EGFL7: variants seen among roughly 807,000 people sequenced by gnomAD.
The protein encoded by EGFL7 is epidermal growth factor-like protein 7.
Under a neutral mutation model 37.1 loss-of-function variants are expected in EGFL7, and 48 were observed. That is an observed-to-expected ratio of 1.29 (90% CI 1.03 to 1.65). The LOEUF (loss-of-function observed/expected upper bound fraction) is 1.65, where lower values mean the gene tolerates loss of function less well. EGFL7 is among the 40% of genes most tolerant of loss of function. The pLI, the probability that EGFL7 is intolerant of heterozygous loss-of-function variation, is 0.00. For synonymous variants in EGFL7, 180 were observed against 156.8 expected, an observed-to-expected ratio of 1.15 and a Z score of -1.10; for missense variants, 384 against 378.9, an observed-to-expected ratio of 1.01 and a Z score of -0.11.
intron 3 of EGFL7, among the ~76,000 whole-genome samples, chr9:136,667,505 G>A (rs1426723048): frequency 2.0e-5 from 3 of 152,202 alleles, no homozygotes; most frequent in African/African-American, 7.2e-5. Context: ...GGCTCCTGCT[G>A]CACAGCCAGG....
At chr9:136,670,808 G>T in intron 8 of EGFL7, 142 bp from the exon 9 acceptor site, 1 of 832,980 alleles carries the variant, frequency 1.2e-6, no homozygotes, top group Non-Finnish European at 2.0e-6. Flanking sequence ...GAGACCTCTG[G>T]CCAGCGCCAG....
intron 4 of EGFL7, 82 bp from the exon 5 acceptor site, chr9:136,668,475 G>T: frequency 6.5e-7 from 1 of 1,539,444 alleles, no homozygotes; most frequent in Non-Finnish European, 8.9e-7. Context: ...TCCTGCTGAG[G>T]GTCCTGCCCC....
At chr9:136,659,901 G>A (rs1845032458), upstream of EGFL7, among the ~76,000 whole-genome samples, 1 of 152,186 alleles carries the variant, frequency 6.6e-6, no homozygotes, top group Admixed American at 6.5e-5. Context: ...TCTCCCACCA[G>A]GTCTCCCCCT....
chr9:136,668,519 C>T lies in EGFL7; in HGVS notation c.81-38C>T, dbSNP rs752880505. On this transcript the variant is annotated intron_variant, in intron 4 of 10. Coordinates refer to ENST00000308874, the MANE Select transcript of EGFL7 (RefSeq NM_016215.5). ...GTTCCCATCATTCTTGGGTCCTGCT[C>T]TGGGACTCCTGGGCTGACCCCCTCT... The T allele has an allele frequency of 2.5e-6, 4 of 1,592,184 alleles. No individual in the cohort carries two copies. In the South Asian group the frequency reaches 4.4e-5, roughly 18 times the overall value.
Position 136,670,918 on chromosome 9 carries a change from G to A in EGFL7, c.572-32G>A, listed in dbSNP as rs112827976. 6.7e-5 allele frequency: 104 copies of A among 1,547,306 alleles called. No individual in the cohort carries two copies. In the African/African-American group the frequency reaches 7.8e-4, roughly 12 times the overall value. On this transcript the variant is annotated intron_variant, in intron 8 of 10. Coordinates refer to ENST00000308874, the MANE Select transcript of EGFL7 (RefSeq NM_016215.5). ...TGGGGGTGTGGGTGGGGAGCCGGCC[G>A]GCCGTGACCCAGCGCCTGGCTCTGC...
intron 3 of EGFL7, among the ~76,000 whole-genome samples, chr9:136,667,685 T>G (rs560354342): frequency 2.0e-5 from 3 of 152,302 alleles, no homozygotes; most frequent in Non-Finnish European, 1.5e-5. Flanking sequence ...GGTCTTAGAA[T>G]GTGTGCACCC....
At position 136,669,808 on chromosome 9, in the gene EGFL7, C is replaced by A. The variant is rs1845723706; in HGVS notation, c.313+87C>A. On this transcript the variant is annotated intron_variant, in intron 6 of 10. Coordinates refer to ENST00000308874, the MANE Select transcript of EGFL7 (RefSeq NM_016215.5). ...AACGCTCCTGCTGCTTTTCTTGAAC[C>A]CCGAGCAAAGCACCACCTTGCCGCA... The A allele has an allele frequency of 4.9e-6, 7 of 1,441,180 alleles. No individual in the cohort carries two copies. The South Asian group carries it at 9.0e-5, about 19-fold the overall frequency. The allele number at this position is 1,441,180 out of a possible 1,614,324, so 89.3% of individuals were successfully genotyped here. A position where few individuals can be genotyped will look rare whatever the true frequency, so the allele number is the denominator to read the frequency against.
At chr9:136,661,922 G>A (rs1200879519), upstream of EGFL7, among the ~76,000 whole-genome samples, 3 of 152,210 alleles carry the variant, frequency 2.0e-5, no homozygotes, top group African/African-American at 7.2e-5. Flanking sequence ...CCCACGGACA[G>A]CGGGGTTGGG....
upstream of EGFL7, among the ~76,000 whole-genome samples, chr9:136,661,113 C>T (rs751945125): frequency 9.2e-5 from 14 of 152,148 alleles, no homozygotes; most frequent in Non-Finnish European, 1.8e-4. Context: ...GCCGAGTGCA[C>T]GAGTTGCTAA....
rs1189402426 is a variant in EGFL7, at chr9:136,666,221, C to T, written c.-43+1436C>T. On this transcript the variant is annotated intron_variant, in intron 3 of 10. Transcript: ENST00000308874. The surrounding 1 kb of genome is among the most constrained non-coding windows in gnomAD (Gnocchi z 6.8). ...AGCGCGGCTGGGAGGGGGCGGCGGGCAGGTCCGTCTCGCTCCGCCTCTGCG... is the reference window on the plus strand; with the variant it reads ...AGCGCGGCTGGGAGGGGGCGGCGGGTAGGTCCGTCTCGCTCCGCCTCTGCG... 6.6e-6 allele frequency among the ~76,000 whole-genome samples: 1 copy of T among 151,296 alleles called. No homozygotes were observed. The highest frequency in any genetic ancestry group is 1.5e-5 in the Non-Finnish European group (1 of 67,664).
intron 3 of EGFL7, among the ~76,000 whole-genome samples, chr9:136,665,394 G>C (rs1393313630): frequency 6.6e-6 from 1 of 152,236 alleles, no homozygotes; most frequent in Non-Finnish European, 1.5e-5. Flanking sequence ...GCTGAGATGG[G>C]CGTCCCGGGG....
At chr9:136,669,532 G>T in intron 5 of EGFL7, 74 bp from the exon 6 acceptor site, 1 of 1,113,850 alleles carries the variant, frequency 9.0e-7, no homozygotes, top group South Asian at 1.4e-5. Flanking sequence ...CACTCTGAGA[G>T]GGGACTCTAG....
chr9:136,664,109 G>A (rs1172576352), intron 2 of EGFL7, among the ~76,000 whole-genome samples: 1 of 152,198 alleles, frequency 6.6e-6, no homozygotes, highest in Non-Finnish European at 1.5e-5. Context: ...GGTAAGAGCT[G>A]CCCTGCGTGG....
At chr9:136,665,928 G>C (rs1270051785) in intron 3 of EGFL7, 1 of 146,210 alleles carries the variant, frequency 6.8e-6, no homozygotes, top group African/African-American at 2.4e-5. Context: ...GGCCGCGCGC[G>C]GAGCTGGGGG....
intron 8 of EGFL7, 170 bp from the exon 9 acceptor site, chr9:136,670,780 C>T: frequency 1.3e-6 from 1 of 741,826 alleles, no homozygotes; most frequent in Non-Finnish European, 2.4e-6. Flanking sequence ...CCCCGACGTA[C>T]TTAGGCGGCA....
chr9:136,659,116 G>T (rs1020965511), upstream of EGFL7: 1 of 152,392 alleles, frequency 6.6e-6, no homozygotes, highest in Non-Finnish European at 1.5e-5. Flanking sequence ...AACTCAGAGG[G>T]TGTCGCTCTG....
chr9:136,666,535 C>A lies in EGFL7; in HGVS notation c.-42-1706C>A, dbSNP rs745759124. Among the ~76,000 whole-genome samples, 54 of 152,252 alleles carry A rather than the reference C, an allele frequency of 3.5e-4. No individual in the cohort carries two copies. The highest frequency in any genetic ancestry group is 6.0e-4 in the Non-Finnish European group (41 of 67,988). On this transcript the variant is annotated intron_variant, in intron 3 of 10. Transcript: ENST00000308874. The surrounding 1 kb of genome is among the most constrained non-coding windows in gnomAD (Gnocchi z 6.8). ...TGCAGCACCGGCTCGGAGAGCACCA[C>A]GGGCTTCCTCTGGCCTCGGGAAAAC... is the stretch of plus-strand genomic sequence containing the variant.
chr9:136,661,686 G>A (rs574324093), upstream of EGFL7, among the ~76,000 whole-genome samples: 1 of 152,314 alleles, frequency 6.6e-6, no homozygotes, highest in East Asian at 1.9e-4. Context: ...GTAGAGGGGA[G>A]CTGGTTCCTG....
chr9:136,668,221 G>A lies in EGFL7; in HGVS notation c.-42-20G>A, dbSNP rs1845600923. 1 of 1,445,034 alleles carries A rather than the reference G, an allele frequency of 6.9e-7. No homozygotes were observed. Among genetic ancestry groups the A allele is most frequent in the South Asian group, 1.2e-5 (1 of 80,826 alleles). The allele number at this position is 1,445,034 out of a possible 1,614,324, so 89.5% of individuals were successfully genotyped here. A position where few individuals can be genotyped will look rare whatever the true frequency, so the allele number is the denominator to read the frequency against. ...GGGGGCATCTGCGGGGAGACTTAGG[G>A]GTCATGCTTTGTGCCCCAGGCCACC... is the stretch of plus-strand genomic sequence containing the variant. On this transcript the variant is annotated intron_variant, in intron 3 of 10. Transcript: ENST00000308874.
Sources: allele counts gnomAD v4.1 joint callset (sites outside exome capture counted in the v4.1 genomes callset), GRCh38; gene constraint gnomAD v4.1.1; non-coding constraint Gnocchi (gnomAD v3.1); transcripts MANE v1.5; gene names NCBI Gene and HGNC (gene_info 2026-07-23, HGNC 2026-07-21).